The following LOC122539214 variants were observed in gnomAD, a reference collection of about 807,000 sequenced individuals.
chr19:52,656,392 G>T, the LOC122539214 span, among the ~76,000 whole-genome samples: 1 of 152,068 alleles, frequency 6.6e-6, no homozygotes, highest in South Asian at 2.1e-4. Flanking sequence ...CATGGTGGGG[G>T]AATGTGCCTG....
At chr19:52,675,902 G>A in the LOC122539214 span, among the ~76,000 whole-genome samples, 1 of 152,150 alleles carries the variant, frequency 6.6e-6, no homozygotes, top group African/African-American at 2.4e-5. Flanking sequence ...AAGAATGAAC[G>A]ACATTCAGGC....
the LOC122539214 span, among the ~76,000 whole-genome samples, chr19:52,665,510 T>C: frequency 6.6e-6 from 1 of 152,246 alleles, no homozygotes; most frequent in African/African-American, 2.4e-5. Flanking sequence ...ACTTGTTAGA[T>C]ATGAGTTCTA....
chr19:52,676,669 C>T, the LOC122539214 span, among the ~76,000 whole-genome samples: 2,080 of 123,892 alleles, frequency 0.017, 15 homozygotes, highest in Non-Finnish European at 0.021. Flanking sequence ...ACAATGGCGG[C>T]TTTGTGGAAT....
the LOC122539214 span, chr19:52,652,210 A>G: frequency 9.1e-6 from 2 of 219,194 alleles, no homozygotes; most frequent in Non-Finnish European, 1.8e-5. Context: ...AGGCCGAGGC[A>G]GGCGGATCAC....
At chr19:52,652,294 G>T in the LOC122539214 span, 1 of 243,812 alleles carries the variant, frequency 4.1e-6, no homozygotes, top group Non-Finnish European at 8.1e-6. Context: ...AAATTAGCCA[G>T]GCTTGGTGGA....
chr19:52,667,778 T>C, the LOC122539214 span, among the ~76,000 whole-genome samples: 1 of 152,158 alleles, frequency 6.6e-6, no homozygotes, highest in Admixed American at 6.6e-5. Flanking sequence ...AAAGAGTCTA[T>C]AAAAATCTTA....
the LOC122539214 span, among the ~76,000 whole-genome samples, chr19:52,679,263 A>C: frequency 4.6e-5 from 7 of 152,192 alleles, no homozygotes; most frequent in Admixed American, 4.6e-4. Context: ...TCATTAGTTT[A>C]TGGGATGAAC....
the LOC122539214 span, among the ~76,000 whole-genome samples, chr19:52,686,290 A>T: frequency 6.6e-6 from 1 of 152,096 alleles, no homozygotes. Context: ...AAAAAATCTA[A>T]CAAACTCTGA....
chr19:52,666,036 T>C, the LOC122539214 span, among the ~76,000 whole-genome samples: 16 of 149,128 alleles, frequency 1.1e-4, no homozygotes, highest in South Asian at 2.1e-4. Context: ...TGGTGATGGG[T>C]GCCTGTAGTC....
At chr19:52,666,733 T>C in the LOC122539214 span, among the ~76,000 whole-genome samples, 1 of 151,968 alleles carries the variant, frequency 6.6e-6, no homozygotes, top group African/African-American at 2.4e-5. Context: ...GAAAATTCCA[T>C]TAACCCAGCA....
chr19:52,685,772 A>C, the LOC122539214 span, among the ~76,000 whole-genome samples: 8 of 151,950 alleles, frequency 5.3e-5, no homozygotes, highest in African/African-American at 1.9e-4. Context: ...GTGGCAGGCA[A>C]CTGTAATCCC....
At chr19:52,657,908 G>A in the LOC122539214 span, among the ~76,000 whole-genome samples, 62,180 of 149,480 alleles carry the variant, frequency 0.42, 13,345 homozygotes, top group East Asian at 0.71. Flanking sequence ...AGGCCAAGGC[G>A]GGGGGATCAC....
chr19:52,672,016 C>T, the LOC122539214 span, among the ~76,000 whole-genome samples: 23 of 151,974 alleles, frequency 1.5e-4, no homozygotes, highest in African/African-American at 5.1e-4. Context: ...GTGGATGACC[C>T]AGAGGTCAGG....
chr19:52,670,267 C>T, the LOC122539214 span, among the ~76,000 whole-genome samples: 2 of 152,274 alleles, frequency 1.3e-5, no homozygotes, highest in East Asian at 1.9e-4. Context: ...CATTCCATAA[C>T]ATTTTTCCTG....
chr19:52,678,469 AAAG>A, the LOC122539214 span, among the ~76,000 whole-genome samples: 1 of 151,564 alleles, frequency 6.6e-6, no homozygotes, highest in Non-Finnish European at 1.5e-5. Flanking sequence ...AAAAAAGAAA[AAAG>A]AAAAAAAAAC....
the LOC122539214 span, among the ~76,000 whole-genome samples, chr19:52,657,312 G>A: frequency 6.6e-6 from 1 of 152,082 alleles, no homozygotes; most frequent in African/African-American, 2.4e-5. Flanking sequence ...AATACATTAT[G>A]TAAATTAAAA....
the LOC122539214 span, among the ~76,000 whole-genome samples, chr19:52,686,023 T>A: frequency 6.6e-5 from 10 of 152,062 alleles, no homozygotes; most frequent in East Asian, 1.9e-3. Context: ...AACATGAACT[T>A]AATAGCTCCC....
At chr19:52,685,384 T>A in the LOC122539214 span, among the ~76,000 whole-genome samples, 6 of 151,972 alleles carry the variant, frequency 3.9e-5, no homozygotes, top group African/African-American at 1.5e-4. Flanking sequence ...ATCACCCCTA[T>A]CCTTGAAAAT....
chr19:52,684,928 C>T, the LOC122539214 span, among the ~76,000 whole-genome samples: 1 of 152,160 alleles, frequency 6.6e-6, no homozygotes, highest in Non-Finnish European at 1.5e-5. Flanking sequence ...TCCTGGGGAA[C>T]ACGGGAAGCC....
Sources: allele counts gnomAD v4.1 joint callset (sites outside exome capture counted in the v4.1 genomes callset), GRCh38; gene constraint gnomAD v4.1.1; transcripts MANE v1.5.